Variants in EXPH5 observed in about 807,000 individuals in gnomAD.
EXPH5 encodes the protein exophilin 5.
A neutral mutation model predicts 41.1 loss-of-function variants in EXPH5; 42 were observed. The ratio of observed to expected loss-of-function variants is 1.02; its 90% CI spans 0.80 to 1.32. The LOEUF (loss-of-function observed/expected upper bound fraction) is 1.32, where lower values mean the gene tolerates loss of function less well. Among genes scored for constraint, EXPH5 ranks in the 40% most tolerant of loss-of-function variants. EXPH5 has a pLI of 0.00. For missense variants in EXPH5, 2,298 were observed against 2,314.5 expected (o/e 0.99, Z 0.15); for synonymous variants, 798 against 833.5 (o/e 0.96, Z 0.73).
At chr11:108,597,407 G>T (rs771072795), upstream of EXPH5, among the ~76,000 whole-genome samples, 3 of 151,968 alleles carry the variant, frequency 2.0e-5, no homozygotes, top group Admixed American at 2.0e-4. Context: ...TATGTTGGAC[G>T]GCTGATCTTG....
At chr11:108,540,245 C>T (rs1416348385) in intron 2 of EXPH5, among the ~76,000 whole-genome samples, 2 of 152,138 alleles carry the variant, frequency 1.3e-5, no homozygotes, top group East Asian at 1.9e-4. Flanking sequence ...ATTGCTTGAA[C>T]CCGGGAGGTA....
At position 108,512,553 on chromosome 11, in the gene EXPH5, T is replaced by A; in HGVS notation, c.2954A>T (p.Lys985Met). 1 of 1,612,204 alleles carries A rather than the reference T, an allele frequency of 6.2e-7. No individual in the cohort carries two copies. Among genetic ancestry groups the A allele is most frequent in the Non-Finnish European group, 8.5e-7 (1 of 1,179,586 alleles). Residue 985 changes from lysine (K) to methionine (M), a missense_variant, in exon 6 of 6, where the codon AAG (lysine) becomes ATG (methionine). Transcript: ENST00000265843. ...TGATATACTTTCTGTTTTGCTTAAC[T>A]TTTCAATACAGGATATATGATGCCT... ...KIRHHISCIEKLSKTESISVP... is the reference protein window; with the variant it reads ...KIRHHISCIEMLSKTESISVP...
At chr11:108,541,909 C>G in intron 1 of EXPH5, 97 bp from the exon 2 acceptor site, 1 of 957,344 alleles carries the variant, frequency 1.0e-6, no homozygotes, top group Non-Finnish European at 1.5e-6. Flanking sequence ...ATGGGGGTCT[C>G]ATTCTGTCAC....
At chr11:108,591,785 G>A (rs2094128152) in intron 1 of EXPH5, among the ~76,000 whole-genome samples, 1 of 152,108 alleles carries the variant, frequency 6.6e-6, no homozygotes, top group South Asian at 2.1e-4. Context: ...AGTGGGCATC[G>A]TGAGTTGCAA....
At chr11:108,521,845 C>A (rs1386987601) in intron 4 of EXPH5, among the ~76,000 whole-genome samples, 1 of 152,170 alleles carries the variant, frequency 6.6e-6, no homozygotes, top group Non-Finnish European at 1.5e-5. Context: ...CCATTTAACA[C>A]CAAACAATCT....
intron 1 of EXPH5, among the ~76,000 whole-genome samples, chr11:108,574,738 T>C (rs2136105659): frequency 6.6e-6 from 1 of 152,312 alleles, no homozygotes; most frequent in Non-Finnish European, 1.5e-5. Context: ...CCATATGACA[T>C]GGTTCTGGTC....
Position 108,511,197 on chromosome 11 carries a change from T to G in EXPH5, c.4310A>C (p.Asn1437Thr). ...LPALSEVNIGNSQTRRSSWEC... is the reference protein window; with the variant it reads ...LPALSEVNIGTSQTRRSSWEC... The stretch of plus-strand genomic sequence containing the variant: ...CCAAGAACTTCTTCTAGTTTGGGAA[T>G]TTCCAATATTAACTTCTGAAAGAGC... Residue 1437 changes from asparagine to threonine, a missense_variant, in exon 6 of 6, where the codon AAT becomes ACT. Coordinates refer to ENST00000265843, the MANE Select transcript of EXPH5 (RefSeq NM_015065.3). 6.2e-7 allele frequency: 1 copy of G among 1,613,270 alleles called. No individual in the cohort carries two copies. The highest frequency in any genetic ancestry group is 1.7e-5 in the Admixed American group (1 of 59,784).
rs2093672025 is a variant in EXPH5 at position 108,510,548 on chromosome 11, G to C, written c.4959C>G (p.Ser1653=). Reference sequence around the variant, plus strand: ...TCTCACTCAACCTGCTTTCGCCAATGGACTCTGCAGATTTTGGAGTAGGCT... The same window carrying C: ...TCTCACTCAACCTGCTTTCGCCAATCGACTCTGCAGATTTTGGAGTAGGCT... The part of the protein sequence containing the change: ...FPEPTPKSAE[S]IGESRLSENG... Residue 1653 remains serine, a synonymous_variant, in exon 6 of 6, where the codon TCC becomes TCG. Transcript: ENST00000265843. 1 of 1,614,012 alleles carries C rather than the reference G, an allele frequency of 6.2e-7. No individual in the cohort carries two copies. The highest frequency in any genetic ancestry group is 1.3e-5 in the African/African-American group (1 of 74,904).
intron 2 of EXPH5, among the ~76,000 whole-genome samples, chr11:108,540,055 C>T (rs2093904021): frequency 6.6e-6 from 1 of 152,110 alleles, no homozygotes; most frequent in African/African-American, 2.4e-5. Context: ...CGGTAGCTCA[C>T]GCCTGTAATC....
chr11:108,537,650 T>G (rs2093887713), intron 3 of EXPH5, among the ~76,000 whole-genome samples: 1 of 152,250 alleles, frequency 6.6e-6, no homozygotes, highest in South Asian at 2.1e-4. Context: ...ATTATAGATC[T>G]ATATCTTCTT....
intron 1 of EXPH5, among the ~76,000 whole-genome samples, chr11:108,553,754 A>T (rs1424355856): frequency 1.3e-5 from 2 of 152,208 alleles, no homozygotes; most frequent in Admixed American, 6.5e-5. Context: ...CTACCAACTT[A>T]TTCTGCCATC....
chr11:108,519,576 T>C (rs1404591597), intron 4 of EXPH5, among the ~76,000 whole-genome samples: 1 of 151,862 alleles, frequency 6.6e-6, no homozygotes, highest in East Asian at 1.9e-4. Flanking sequence ...GTGAAACCAC[T>C]GTCTCTACTA....
intron 1 of EXPH5, among the ~76,000 whole-genome samples, chr11:108,578,045 T>C (rs2094085642): frequency 1.3e-5 from 2 of 152,236 alleles, no homozygotes; most frequent in Admixed American, 1.3e-4. Flanking sequence ...TAGCTTGATA[T>C]AATCACATTT....
intron 1 of EXPH5, among the ~76,000 whole-genome samples, chr11:108,591,034 C>A (rs1003833260): frequency 2.0e-5 from 3 of 152,174 alleles, no homozygotes; most frequent in Non-Finnish European, 2.9e-5. Context: ...AACTCATCAG[C>A]CATTCCCCAA....
At chr11:108,552,779 C>T (rs1454359535) in intron 1 of EXPH5, among the ~76,000 whole-genome samples, 3 of 152,152 alleles carry the variant, frequency 2.0e-5, no homozygotes, top group Non-Finnish European at 2.9e-5. Flanking sequence ...ACTAGCTGGG[C>T]TTGCTAGTGT....
chr11:108,549,727 G>A (rs927499099), intron 1 of EXPH5, among the ~76,000 whole-genome samples: 2 of 152,186 alleles, frequency 1.3e-5, no homozygotes, highest in African/African-American at 2.4e-5. Flanking sequence ...CCCAGGAGTA[G>A]TGTCAGGTTC....
chr11:108,562,014 G>C (rs1403655641), intron 1 of EXPH5, among the ~76,000 whole-genome samples: 1 of 152,156 alleles, frequency 6.6e-6, no homozygotes, highest in African/African-American at 2.4e-5. Flanking sequence ...CCTGAGGACT[G>C]GCCGTGCAGG....
In EXPH5 at chr11:108,530,422, G is replaced by T. The variant is rs532816639; in HGVS notation, c.444-2238C>A. 2.0e-5 allele frequency among the ~76,000 whole-genome samples: 3 copies of T among 152,284 alleles called. No individual in the cohort carries two copies. The East Asian group carries it at 5.8e-4, about 29-fold the overall frequency. ...GGTATAAGTAAAATGCATGGGAAAT[G>T]CATAGGGGCCAGCAAGCACTTCCTG... On this transcript the variant is annotated intron_variant, in intron 3 of 5. Transcript: ENST00000265843.
chr11:108,574,843 A>G (rs995259502), intron 1 of EXPH5, among the ~76,000 whole-genome samples: 3 of 152,250 alleles, frequency 2.0e-5, no homozygotes, highest in Non-Finnish European at 4.4e-5. Flanking sequence ...ACCCAAAAGA[A>G]GCAGTTGTCA....
Sources: gnomAD v4.1 joint callset for allele counts (sites outside exome capture counted in the v4.1 genomes callset) on GRCh38, gnomAD v4.1.1 for gene constraint, MANE v1.5 for transcripts, NCBI Gene and HGNC (gene_info 2026-07-23, HGNC 2026-07-21) for gene names.